The following ZNF362 variants were observed in gnomAD, a reference collection of about 807,000 sequenced individuals.
The protein encoded by ZNF362 is rotund homolog.
In ZNF362, 11 loss-of-function variants were observed where a neutral mutation model predicts 42.9. That is an observed-to-expected ratio of 0.26 (90% CI 0.16 to 0.42). The LOEUF (loss-of-function observed/expected upper bound fraction) is 0.42. Ranked by LOEUF, ZNF362 falls within the 20% of genes least tolerant of loss-of-function variation. ZNF362 has a pLI of 1.00. For synonymous variants in ZNF362, 255 were observed against 257.3 expected, an observed-to-expected ratio of 0.99 and a Z score of 0.09; for missense variants, 362 against 576.2, an observed-to-expected ratio of 0.63 and a Z score of 3.81.
At chr1:33,212,195 A>G in the ZNF362 span, among the ~76,000 whole-genome samples, 2 of 152,098 alleles carry the variant, frequency 1.3e-5, no homozygotes, top group African/African-American at 4.8e-5. Flanking sequence ...ACCTTCCACT[A>G]TGAGTCAAAG....
chr1:33,240,961 T>C, the ZNF362 span, among the ~76,000 whole-genome samples: 135 of 152,316 alleles, frequency 8.9e-4, no homozygotes, highest in Non-Finnish European at 1.4e-3. Flanking sequence ...GCAAAATGAT[T>C]GCACCACACG....
At chr1:33,274,402 C>T (rs1299923768) in intron 2 of ZNF362, among the ~76,000 whole-genome samples, 2 of 152,226 alleles carry the variant, frequency 1.3e-5, no homozygotes, top group Non-Finnish European at 2.9e-5. Flanking sequence ...AACTTGCAGC[C>T]TCCTCACCAT....
the ZNF362 span, among the ~76,000 whole-genome samples, chr1:33,234,776 G>A: frequency 2.0e-5 from 3 of 152,134 alleles, no homozygotes; most frequent in South Asian, 2.1e-4. Context: ...CAATGGGGTC[G>A]GGTCCACGTA....
the ZNF362 span, among the ~76,000 whole-genome samples, chr1:33,177,178 G>A: frequency 6.6e-6 from 1 of 152,132 alleles, no homozygotes; most frequent in African/African-American, 2.4e-5. The surrounding 1 kb of genome is among the most constrained non-coding windows in gnomAD (Gnocchi z 4.1). Flanking sequence ...CCTTAGAACT[G>A]TATAGTAACT....
At position 33,276,717 on chromosome 1, in the gene ZNF362, G is replaced by A. The variant is rs906223849; in HGVS notation, c.349+123G>A. On this transcript the variant is annotated intron_variant, in intron 4 of 8. Transcript: ENST00000539719. The stretch of plus-strand genomic sequence containing the variant: ...AGAGCAGGGCGGGCAGGGCCTAGGG[G>A]TAGGGCATAAAGCTTGGAGTGGCGG... The A allele has an allele frequency of 7.5e-6, 9 of 1,202,640 alleles. No homozygotes were observed. In the East Asian group the frequency reaches 1.8e-4, roughly 24 times the overall value. The allele number at this position is 1,202,640 out of a possible 1,614,324, so 74.5% of individuals were successfully genotyped here.
the ZNF362 span, among the ~76,000 whole-genome samples, chr1:33,234,931 A>T: frequency 1.3e-5 from 2 of 151,972 alleles, no homozygotes; most frequent in African/African-American, 4.8e-5. Flanking sequence ...CTCTGCATGG[A>T]GCCTGCTGTT....
At chr1:33,190,496 A>G in the ZNF362 span, among the ~76,000 whole-genome samples, 1 of 152,362 alleles carries the variant, frequency 6.6e-6, no homozygotes. Context: ...CAATGATGTC[A>G]GTGCCCCTTC....
the ZNF362 span, among the ~76,000 whole-genome samples, chr1:33,229,430 G>A: frequency 1.4e-5 from 2 of 147,530 alleles, no homozygotes; most frequent in African/African-American, 2.5e-5. Flanking sequence ...TTTGTGAGAC[G>A]GAGTCTTGCT....
chr1:33,145,714 C>T, the ZNF362 span: 2 of 369,006 alleles, frequency 5.4e-6, no homozygotes, highest in South Asian at 2.1e-5. Context: ...CAGCCCACTC[C>T]TCCAGTTCCC....
intron 3 of ZNF362, 47 bp from the exon 4 acceptor site, chr1:33,276,301 G>C: frequency 6.5e-7 from 1 of 1,539,026 alleles, no homozygotes; most frequent in Non-Finnish European, 8.8e-7. Flanking sequence ...TGGGCAAGGG[G>C]CGGGAGGTGG....
At chr1:33,211,379 T>C in the ZNF362 span, among the ~76,000 whole-genome samples, 6 of 152,220 alleles carry the variant, frequency 3.9e-5, no homozygotes, top group African/African-American at 1.4e-4. Flanking sequence ...TGGTACCGTT[T>C]GTTCATGTCC....
At chr1:33,208,714 T>A in the ZNF362 span, among the ~76,000 whole-genome samples, 1 of 152,196 alleles carries the variant, frequency 6.6e-6, no homozygotes, top group Admixed American at 6.5e-5. Context: ...AGTTCACTCA[T>A]GATTTGGCTC....
chr1:33,236,550 A>AAAATATATATATATAT, the ZNF362 span, among the ~76,000 whole-genome samples: 2 of 5,980 alleles, frequency 3.3e-4, no homozygotes, highest in African/African-American at 7.8e-4. Flanking sequence ...AAAAAAAAAA[A>AAAATATATATATATAT]ATATATATAT....
chr1:33,221,937 C>T, the ZNF362 span, among the ~76,000 whole-genome samples: 3 of 151,994 alleles, frequency 2.0e-5, no homozygotes, highest in African/African-American at 7.3e-5. Context: ...ATTAAATCAT[C>T]CCAGCAAAGA....
At chr1:33,189,653 A>ATG in the ZNF362 span, among the ~76,000 whole-genome samples, 19 of 14,938 alleles carry the variant, frequency 1.3e-3, 1 homozygote, top group East Asian at 0.03. Flanking sequence ...ATATATATAT[A>ATG]TATATATATA....
the ZNF362 span, among the ~76,000 whole-genome samples, chr1:33,240,182 A>T: frequency 1.5e-4 from 23 of 152,332 alleles, no homozygotes; most frequent in South Asian, 3.7e-3. Context: ...GGACTTCATC[A>T]AGTGATCAAA....
chr1:33,167,795 C>T, the ZNF362 span, among the ~76,000 whole-genome samples: 4 of 152,150 alleles, frequency 2.6e-5, no homozygotes, highest in Non-Finnish European at 5.9e-5. The surrounding 1 kb of genome is among the most constrained non-coding windows in gnomAD (Gnocchi z 4.2). Flanking sequence ...TAGGCAGCAA[C>T]ATGGGAAAAT....
At chr1:33,171,378 C>T in the ZNF362 span, among the ~76,000 whole-genome samples, 11 of 152,250 alleles carry the variant, frequency 7.2e-5, no homozygotes, top group South Asian at 2.1e-4. Context: ...GTCTTTATTG[C>T]GTCCATCTCA....
the ZNF362 span, among the ~76,000 whole-genome samples, chr1:33,197,958 G>C: frequency 9.8e-3 from 1,488 of 152,156 alleles, 29 homozygotes; most frequent in African/African-American, 0.034. Flanking sequence ...GCACTCAGAA[G>C]GGTTTTGCCT....
Sources: allele counts gnomAD v4.1 joint callset (sites outside exome capture counted in the v4.1 genomes callset), GRCh38; gene constraint gnomAD v4.1.1; non-coding constraint Gnocchi (gnomAD v3.1); transcripts MANE v1.5; gene names NCBI Gene and HGNC (gene_info 2026-07-23, HGNC 2026-07-21).